Variants in INTS4 observed in about 807,000 individuals in gnomAD.
INTS4 encodes integrator complex subunit 4.
INTS4 carries 70 observed loss-of-function variants against 119.5 expected under a neutral mutation model. That is an observed-to-expected ratio of 0.59 (90% confidence interval 0.48 to 0.71). INTS4 has a LOEUF of 0.71. Ranked by LOEUF, INTS4 falls within the 30% of genes least tolerant of loss-of-function variation. INTS4 has a pLI of 0.00. For synonymous variants in INTS4, 316 were observed against 419.6 expected (o/e 0.75, Z 3.02); for missense variants, 867 against 1,173.2 (o/e 0.74, Z 3.81).
rs755345506 is a variant in INTS4 at position 77,981,579 on chromosome 11, G to A, written c.247-3C>T. 4.7e-6 allele frequency: 7 copies of A among 1,503,618 alleles called. No homozygotes were observed. The South Asian group carries it at 6.4e-5, about 14-fold the overall frequency. 93.1% of individuals were successfully genotyped at this position (1,503,618 alleles called of 1,614,324 possible). ...AGTCTCACAGATGGATCATTCTCCT[G>A]GAAAAAAAGAAGCAATTGTCACTTT... On this transcript the variant is annotated splice_polypyrimidine_tract_variant and splice_region_variant and intron_variant, in intron 2 of 22. Transcript: ENST00000534064.
At chr11:77,960,857 C>T in intron 5 of INTS4, 96 bp downstream of exon 5, 1 of 1,109,584 alleles carries the variant, frequency 9.0e-7, no homozygotes, top group South Asian at 1.7e-5. Flanking sequence ...AAAGTATATG[C>T]TGAAGAATTT....
intron 16 of INTS4, among the ~76,000 whole-genome samples, chr11:77,904,426 T>C (rs1472512169): frequency 1.3e-5 from 2 of 152,230 alleles, no homozygotes; most frequent in African/African-American, 2.4e-5. Flanking sequence ...TTTAACCCAG[T>C]ATATCCAAGA....
intron 4 of INTS4, among the ~76,000 whole-genome samples, chr11:77,973,547 A>AC (rs1442970181): frequency 6.6e-6 from 1 of 151,850 alleles, no homozygotes; most frequent in Non-Finnish European, 1.5e-5. Context: ...GTTTCCTGTC[A>AC]GTTTTGTTTT....
At chr11:77,980,873 G>C (rs534331970) in intron 3 of INTS4, among the ~76,000 whole-genome samples, 1 of 152,060 alleles carries the variant, frequency 6.6e-6, no homozygotes, top group Non-Finnish European at 1.5e-5. Flanking sequence ...GGCACCTGTA[G>C]TCCCAGCTAC....
chr11:77,945,550 C>A lies in INTS4; in HGVS notation c.919-4299G>T, dbSNP rs569267271. On this transcript the variant is annotated intron_variant, in intron 8 of 22. Transcript: ENST00000534064. The stretch of plus-strand genomic sequence containing the variant: ...AACAGAGTGACGATGATCTCAGCAT[C>A]AGACCCCACATAGCGCTACCAACCA... Among the ~76,000 whole-genome samples, 11 of 152,300 alleles carry A rather than the reference C, an allele frequency of 7.2e-5. No homozygotes were observed. In the South Asian group the frequency reaches 1.9e-3, roughly 26 times the overall value.
chr11:77,888,155 G>A (rs1952099445), intron 21 of INTS4, among the ~76,000 whole-genome samples: 1 of 152,174 alleles, frequency 6.6e-6, no homozygotes. Flanking sequence ...GAGGCATCAT[G>A]CTACCTGACT....
At position 77,921,407 on chromosome 11, in the gene INTS4, G is replaced by A. The variant is rs1953357961; in HGVS notation, c.1697C>T (p.Ser566Leu). The A allele has an allele frequency of 6.2e-7, 1 of 1,611,776 alleles. No individual in the cohort carries two copies. The change falls in exon 14 of 23, where the codon TCA becomes TTA. Residue 566 changes from serine to leucine, a missense_variant. By Grantham distance (145) the Ser-to-Leu change is moderately radical. Transcript: ENST00000534064. ...KTCPTMPALF[S>L]DHTFRHYAYL... Reference sequence around the variant, plus strand: ...GGCATAGTGCCTGAAGGTGTGATCTGAGAACAATGCTGGCATTGTTGGACA... The same window carrying A: ...GGCATAGTGCCTGAAGGTGTGATCTAAGAACAATGCTGGCATTGTTGGACA...
chr11:77,963,857 A>G (rs1162270498), intron 4 of INTS4, among the ~76,000 whole-genome samples: 2 of 152,104 alleles, frequency 1.3e-5, no homozygotes, highest in Non-Finnish European at 2.9e-5. Context: ...GCTAATTTTT[A>G]AAATTTTTGT....
At chr11:77,978,575 A>G (rs982093819) in intron 4 of INTS4, 4 of 152,688 alleles carry the variant, frequency 2.6e-5, no homozygotes, top group African/African-American at 9.6e-5. Context: ...AACAAGGCAT[A>G]ATAAAAACAA....
intron 22 of INTS4, among the ~76,000 whole-genome samples, chr11:77,881,742 C>G (rs1419680426): frequency 8.5e-5 from 13 of 152,164 alleles, no homozygotes. Context: ...AAGCAAGTTC[C>G]CTGCTCTATA....
chr11:77,960,395 G>C lies in INTS4; in HGVS notation c.658-4C>G. The C allele has an allele frequency of 6.4e-7, 1 of 1,570,656 alleles. No homozygotes were observed. Among genetic ancestry groups the C allele is most frequent in the East Asian group, 2.2e-5 (1 of 44,604 alleles). ...GTCCTCTTTCATGGAGCTGCAACTA[G>C]ATAATAAATATATAGTTTAAGTGCT... On this transcript the variant is annotated splice_polypyrimidine_tract_variant and splice_region_variant and intron_variant, in intron 5 of 22. Coordinates refer to ENST00000534064, the MANE Select transcript of INTS4 (RefSeq NM_033547.4).
chr11:77,892,148 T>A (rs570817094), intron 19 of INTS4, among the ~76,000 whole-genome samples: 1 of 152,238 alleles, frequency 6.6e-6, no homozygotes, highest in Non-Finnish European at 1.5e-5. Context: ...GATTCATTAA[T>A]TATTTTAACA....
intron 1 of INTS4, 77 bp downstream of exon 1, chr11:77,994,513 G>GT: frequency 8.4e-7 from 1 of 1,183,750 alleles, no homozygotes; most frequent in Non-Finnish European, 1.3e-6. Context: ...AGCCTCTTCT[G>GT]TTCCGGCAAA....
chr11:77,943,167 C>A (rs1160541113), intron 8 of INTS4, among the ~76,000 whole-genome samples: 1 of 152,130 alleles, frequency 6.6e-6, no homozygotes, highest in Non-Finnish European at 1.5e-5. Flanking sequence ...CAGTGCCCTC[C>A]TCCAATGCCC....
At chr11:77,965,695 T>C (rs932719100) in intron 4 of INTS4, among the ~76,000 whole-genome samples, 3 of 152,240 alleles carry the variant, frequency 2.0e-5, no homozygotes, top group African/African-American at 7.2e-5. Context: ...TTCCATTGCA[T>C]GTTATACACT....
At position 77,949,230 on chromosome 11, in the gene INTS4, T is replaced by C. The variant is rs182639875; in HGVS notation, c.918+6712A>G. Among the ~76,000 whole-genome samples, 744 of 152,280 alleles carry C rather than the reference T, an allele frequency of 4.9e-3. 5 individuals carry two copies. Among genetic ancestry groups the C allele is most frequent in the African/African-American group, 0.016 (661 of 41,566 alleles). ...ATGGAAAGGCAAATATTGCATGATC[T>C]AAGACTTAAACATAAGACCTAAAAC... On this transcript the variant is annotated intron_variant, in intron 8 of 22. Transcript: ENST00000534064.
intron 15 of INTS4, among the ~76,000 whole-genome samples, chr11:77,909,364 TCA>T (rs1953036921): frequency 6.6e-6 from 1 of 152,268 alleles, no homozygotes; most frequent in Non-Finnish European, 1.5e-5. Flanking sequence ...AATTTATTTC[TCA>T]CAGTTGTATA....
At chr11:77,982,713 A>C (rs1856297433) in intron 2 of INTS4, among the ~76,000 whole-genome samples, 1 of 152,186 alleles carries the variant, frequency 6.6e-6, no homozygotes. Flanking sequence ...AAGATCAATA[A>C]ATATATGTGA....
At chr11:77,943,642 A>AT (rs1953981356) in intron 8 of INTS4, among the ~76,000 whole-genome samples, 1 of 152,238 alleles carries the variant, frequency 6.6e-6, no homozygotes, top group South Asian at 2.1e-4. Flanking sequence ...ATATGTTTAG[A>AT]TTAAGATGGA....
Sources: allele counts gnomAD v4.1 joint callset (sites outside exome capture counted in the v4.1 genomes callset), GRCh38; gene constraint gnomAD v4.1.1; transcripts MANE v1.5; gene names NCBI Gene and HGNC (gene_info 2026-07-23, HGNC 2026-07-21).